The following CLVS1 variants were observed in gnomAD, a reference collection of about 807,000 sequenced individuals.
The protein encoded by CLVS1 is clavesin 1.
A neutral mutation model predicts 33.1 loss-of-function variants in CLVS1; 10 were observed. The ratio of observed to expected loss-of-function variants is 0.30; its 90% confidence interval spans 0.19 to 0.51. The LOEUF (loss-of-function observed/expected upper bound fraction) is 0.51. Among genes scored for constraint, CLVS1 ranks in the 20% least tolerant of loss-of-function variants. The pLI is 0.97. For missense variants in CLVS1, 343 were observed against 433.4 expected (o/e 0.79, Z 1.85); for synonymous variants, 163 against 166.1 (o/e 0.98, Z 0.14).
intron 2 of CLVS1, among the ~76,000 whole-genome samples, chr8:61,134,185 GAC>G (rs1228144419): frequency 1.3e-5 from 2 of 152,124 alleles, no homozygotes; most frequent in Non-Finnish European, 2.9e-5. Context: ...GAAAGAAATA[GAC>G]AGTTTAAAAA....
intron 1 of CLVS1, among the ~76,000 whole-genome samples, chr8:61,087,376 A>G (rs532708026): frequency 1.8e-4 from 27 of 152,274 alleles, no homozygotes; most frequent in African/African-American, 6.5e-4. Flanking sequence ...TCCTTGAGGG[A>G]GTCAGGTCTA....
At chr8:61,196,848 C>A (rs116668043) in intron 2 of CLVS1, among the ~76,000 whole-genome samples, 2,663 of 152,308 alleles carry the variant, frequency 0.017, 36 homozygotes, top group African/African-American at 0.028. Flanking sequence ...GTCTTCCTTG[C>A]AGCTAAGTGT....
chr8:61,232,023 G>GTTTGTTTGTTTGT lies in CLVS1; in HGVS notation c.-151-67651_-151-67650insGTTTGTTTGTTTT. Reference sequence around the variant, plus strand: ...AGAAGGAGCCCTGAGGAAAGTTGTGGTTTTTTTTTTTTTTTTTTTTTTTTT... The same window carrying GTTTGTTTGTTTGT: ...AGAAGGAGCCCTGAGGAAAGTTGTGGTTTGTTTGTTTGTTTTTTTTTTTTTTTTTTTTTTTTTT... On this transcript the variant is annotated intron_variant, in intron 2 of 2. Coordinates refer to the CLVS1 transcript ENST00000522621. Among the ~76,000 whole-genome samples the GTTTGTTTGTTTGT allele has an allele frequency of 2.5e-3, 154 of 62,638 alleles. 9 individuals carry two copies. Among genetic ancestry groups the GTTTGTTTGTTTGT allele is most frequent in the African/African-American group, 6.2e-3 (131 of 21,106 alleles). The allele number at this position is 62,638 out of a possible 152,430, so 41.1% of individuals were successfully genotyped here.
At chr8:61,116,929 G>C (rs1243255885) in intron 1 of CLVS1, among the ~76,000 whole-genome samples, 1 of 146,356 alleles carries the variant, frequency 6.8e-6, no homozygotes, top group Non-Finnish European at 1.5e-5. Context: ...TAGCTTGATG[G>C]GGATGGCATT....
At chr8:61,344,547 A>G (rs1812137539) in intron 2 of CLVS1, among the ~76,000 whole-genome samples, 1 of 152,180 alleles carries the variant, frequency 6.6e-6, no homozygotes, top group Non-Finnish European at 1.5e-5. Flanking sequence ...TCTACTGGAT[A>G]ACCTCTCCCT....
chr8:61,285,316 G>T (rs982602793), upstream of CLVS1, among the ~76,000 whole-genome samples: 3 of 152,156 alleles, frequency 2.0e-5, no homozygotes, highest in Non-Finnish European at 4.4e-5. Flanking sequence ...CATTGCAAAG[G>T]AAACTGGGCT....
chr8:61,429,017 C>A (rs575707963), intron 3 of CLVS1, among the ~76,000 whole-genome samples: 26 of 152,192 alleles, frequency 1.7e-4, no homozygotes, highest in Middle Eastern at 3.4e-3. Context: ...AATTTATACA[C>A]GGTAGAAATT....
chr8:61,500,951 T>C lies in CLVS1; in HGVS notation c.*1409T>C, dbSNP rs1804783388. 1 of 152,210 alleles carries C rather than the reference T, an allele frequency of 6.6e-6. No homozygotes were observed. The highest frequency in any genetic ancestry group is 2.4e-5 in the African/African-American group (1 of 41,462). 9.4% of individuals were successfully genotyped at this position (152,210 alleles called of 1,614,324 possible). A position where few individuals can be genotyped will look rare whatever the true frequency, so the allele number is the denominator to read the frequency against. On this transcript the variant is annotated 3_prime_UTR_variant, in exon 6 of 6. Coordinates refer to ENST00000325897, the MANE Select transcript of CLVS1 (RefSeq NM_173519.3). ...TCTTAATTATTTATTACATCATCTC[T>C]TTCTCAATGGATCTAATGTTTTAAT...
chr8:61,343,167 A>G (rs904209609), intron 2 of CLVS1, among the ~76,000 whole-genome samples: 2 of 152,166 alleles, frequency 1.3e-5, no homozygotes, highest in African/African-American at 4.8e-5. Flanking sequence ...AAATACATAA[A>G]AGCACTTTCT....
chr8:61,261,605 T>A (rs533504513), intron 2 of CLVS1, among the ~76,000 whole-genome samples: 1 of 152,130 alleles, frequency 6.6e-6, no homozygotes, highest in South Asian at 2.1e-4. Context: ...GAGGTGATTA[T>A]ATCAGGAGGG....
chr8:61,150,533 C>T (rs1484814045), intron 2 of CLVS1, among the ~76,000 whole-genome samples: 1 of 152,160 alleles, frequency 6.6e-6, no homozygotes, highest in African/African-American at 2.4e-5. Flanking sequence ...TGATTCCACC[C>T]CCAGCCCTCC....
intron 2 of CLVS1, among the ~76,000 whole-genome samples, chr8:61,335,284 G>A (rs1811757942): frequency 6.6e-6 from 1 of 152,226 alleles, no homozygotes; most frequent in Non-Finnish European, 1.5e-5. Context: ...TCCTCGACAA[G>A]AAGGAGGACT....
At chr8:61,213,261 A>G in intron 2 of CLVS1, among the ~76,000 whole-genome samples, 1 of 100,706 alleles carries the variant, frequency 9.9e-6, no homozygotes, top group East Asian at 4.9e-4. Context: ...TGTTCTAAGC[A>G]TTCCTTCCAG....
At chr8:61,452,509 G>A (rs186601358) in intron 3 of CLVS1, among the ~76,000 whole-genome samples, 4 of 152,162 alleles carry the variant, frequency 2.6e-5, no homozygotes, top group African/African-American at 9.6e-5. Flanking sequence ...AGTGAATAGC[G>A]CTTATTATAA....
chr8:61,022,850 C>T, the CLVS1 span, among the ~76,000 whole-genome samples: 3 of 152,210 alleles, frequency 2.0e-5, no homozygotes, highest in South Asian at 2.1e-4. Flanking sequence ...TGAATTAATA[C>T]GTGTGTGTGC....
At chr8:61,495,642 G>T (rs1375486148) in intron 5 of CLVS1, among the ~76,000 whole-genome samples, 3 of 152,170 alleles carry the variant, frequency 2.0e-5, no homozygotes, top group South Asian at 2.1e-4. Flanking sequence ...CCTTTGAGAT[G>T]GGAGAGAAAT....
At position 61,499,623 on chromosome 8, in the gene CLVS1, T is replaced by C. The variant is rs1176564126; in HGVS notation, c.*81T>C. 1.3e-4 allele frequency: 124 copies of C among 943,234 alleles called. 1 individual carries two copies. In the South Asian group the frequency reaches 1.6e-3, roughly 12 times the overall value. The allele number at this position is 943,234 out of a possible 1,614,324, so 58.4% of individuals were successfully genotyped here. On this transcript the variant is annotated 3_prime_UTR_variant, in exon 6 of 6. Coordinates refer to ENST00000325897, the MANE Select transcript of CLVS1 (RefSeq NM_173519.3). ...AGGAAGCACATGCACAACTGACCCA[T>C]GCAGACACGTGTGTTCTGCTTGACA...
chr8:60,981,874 G>A, the CLVS1 span, among the ~76,000 whole-genome samples: 226 of 152,362 alleles, frequency 1.5e-3, 1 homozygote, highest in African/African-American at 5.0e-3. Context: ...AGCAGGAGGC[G>A]CGACGAATTA....
At chr8:61,075,607 C>A (rs185236521) in intron 1 of CLVS1, among the ~76,000 whole-genome samples, 2 of 152,228 alleles carry the variant, frequency 1.3e-5, no homozygotes, top group Non-Finnish European at 2.9e-5. Context: ...GAATTATAAG[C>A]ACCTAATTAT....
Sources: gnomAD v4.1 joint callset for allele counts (sites outside exome capture counted in the v4.1 genomes callset) on GRCh38, gnomAD v4.1.1 for gene constraint, MANE v1.5 for transcripts, NCBI Gene and HGNC (gene_info 2026-07-23, HGNC 2026-07-21) for gene names.